The following MRTFB variants were observed in gnomAD, a reference collection of about 807,000 sequenced individuals.
MRTFB encodes myocardin related transcription factor B.
Under a neutral mutation model 104.2 loss-of-function variants are expected in MRTFB, and 29 were observed. The observed-to-expected ratio is 0.28, with a 90% CI of 0.21 to 0.38. MRTFB has a LOEUF of 0.38. Among genes scored for constraint, MRTFB ranks in the 10% least tolerant of loss-of-function variants. MRTFB has a pLI of 1.00. For synonymous variants in MRTFB, 535 were observed against 519.5 expected, an observed-to-expected ratio of 1.03 and a Z score of -0.41; for missense variants, 1,270 against 1,341.6, an observed-to-expected ratio of 0.95 and a Z score of 0.83.
chr16:14,058,850 C>G, the MRTFB span, among the ~76,000 whole-genome samples: 9 of 150,982 alleles, frequency 6.0e-5, no homozygotes, highest in Admixed American at 5.3e-4. Context: ...TCCCGAGTAG[C>G]TGGGATTATG....
intron 3 of MRTFB, chr16:14,186,853 G>C (rs890717232): frequency 2.5e-6 from 4 of 1,596,144 alleles, no homozygotes; most frequent in Admixed American, 3.3e-5. Context: ...ACCGCACTTC[G>C]CTCTTCTGCA....
chr16:14,036,294 ATT>A, the MRTFB span, among the ~76,000 whole-genome samples: 11 of 54,586 alleles, frequency 2.0e-4, no homozygotes, highest in East Asian at 7.7e-4. Context: ...TTTTATATAT[ATT>A]TATATATATA....
rs187698284 is a variant in MRTFB, at chr16:14,108,344, G to A, written c.-64+28990G>A. ...TATTTGAATAAGATGAACTTCTAGCGTTCAGGAAAGAACACTGTGAGGACA... is the reference window on the plus strand; with the variant it reads ...TATTTGAATAAGATGAACTTCTAGCATTCAGGAAAGAACACTGTGAGGACA... On this transcript the variant is annotated intron_variant, in intron 2 of 16. Transcript: ENST00000571589. Among the ~76,000 whole-genome samples the A allele has an allele frequency of 2.8e-4, 43 of 152,284 alleles. No homozygotes were observed. The East Asian group carries it at 7.7e-3, about 27-fold the overall frequency.
At chr16:14,050,384 T>C in the MRTFB span, among the ~76,000 whole-genome samples, 2 of 152,124 alleles carry the variant, frequency 1.3e-5, no homozygotes, top group Non-Finnish European at 2.9e-5. Context: ...TCTTTTTTGA[T>C]ACAAGGTCTC....
In MRTFB at chr16:14,246,555, C is replaced by T; in HGVS notation, c.1295C>T (p.Pro432Leu). ...CCGGACCTCATTGAGCGCCTAAAAC[C>T]CTACCAGGAAGTGAACAGCAGCGGC... ...TKPDLIERLKPYQEVNSSGLA... is the reference protein window; with the variant it reads ...TKPDLIERLKLYQEVNSSGLA... Residue 432 changes from proline to leucine, a missense_variant, in exon 12 of 17, where the codon CCC becomes CTC. By Grantham distance (98) the Pro-to-Leu change is moderately conservative. Around this residue, in one of 3 missense-constraint regions of MRTFB, gnomAD observed 1,144 missense variants for 1,131.5 expected, o/e 1.01. Transcript: ENST00000571589. 2.5e-6 allele frequency: 4 copies of T among 1,614,138 alleles called. No homozygotes were observed. The highest frequency in any genetic ancestry group is 3.4e-6 in the Non-Finnish European group (4 of 1,180,032).
chr16:14,196,209 CAG>C (rs2040423512), intron 3 of MRTFB, among the ~76,000 whole-genome samples: 1 of 152,192 alleles, frequency 6.6e-6, no homozygotes, highest in African/African-American at 2.4e-5. Context: ...AGCAGCCAGC[CAG>C]AGAGTTATCA....
chr16:14,233,838 G>A (rs2042379542), intron 8 of MRTFB, among the ~76,000 whole-genome samples: 1 of 145,292 alleles, frequency 6.9e-6, no homozygotes, highest in South Asian at 2.2e-4. Flanking sequence ...ATATATACAA[G>A]TGTCTTGGAC....
chr16:14,115,017 A>C (rs947249289), intron 2 of MRTFB, among the ~76,000 whole-genome samples: 1 of 152,194 alleles, frequency 6.6e-6, no homozygotes, highest in Admixed American at 6.5e-5. Flanking sequence ...CCTTGCCACC[A>C]CAGCCATGGC....
intron 9 of MRTFB, among the ~76,000 whole-genome samples, chr16:14,238,898 A>G (rs1203062862): frequency 6.6e-6 from 1 of 152,196 alleles, no homozygotes; most frequent in Admixed American, 6.5e-5. Context: ...GTCCAGTAGT[A>G]TGCCGGTAAA....
At chr16:14,182,740 A>C (rs1292095551) in intron 3 of MRTFB, among the ~76,000 whole-genome samples, 1 of 152,194 alleles carries the variant, frequency 6.6e-6, no homozygotes, top group Non-Finnish European at 1.5e-5. Flanking sequence ...GGGAAGTAAG[A>C]AGGTAATAAA....
At chr16:14,255,441 A>G (rs187483359) in intron 15 of MRTFB, among the ~76,000 whole-genome samples, 1 of 152,380 alleles carries the variant, frequency 6.6e-6, no homozygotes, top group Admixed American at 6.5e-5. Context: ...ATCAAAAACT[A>G]TGAAAACTGG....
chr16:14,086,806 G>A (rs1164501771), intron 2 of MRTFB, among the ~76,000 whole-genome samples: 7 of 152,084 alleles, frequency 4.6e-5, no homozygotes, highest in Admixed American at 1.3e-4. Flanking sequence ...TAAAATTAAG[G>A]CTTTATTATT....
chr16:14,247,660 A>T, intron 12 of MRTFB, 153 bp downstream of exon 12: 2 of 659,364 alleles, frequency 3.0e-6, no homozygotes, highest in Non-Finnish European at 5.1e-6. Context: ...TTATTCAGAA[A>T]TCTGAATATC....
At chr16:14,213,746 A>G (rs2041296485) in intron 6 of MRTFB, 126 bp downstream of exon 6, 2 of 670,948 alleles carry the variant, frequency 3.0e-6, no homozygotes, top group Non-Finnish European at 4.8e-6. Context: ...TCCAAACTGG[A>G]TAGCAACATG....
At chr16:14,026,230 G>T in the MRTFB span, among the ~76,000 whole-genome samples, 1 of 152,190 alleles carries the variant, frequency 6.6e-6, no homozygotes. Flanking sequence ...TTACTATATA[G>T]TTAAAATCAT....
At chr16:14,145,323 C>G (rs1270222345) in intron 3 of MRTFB, among the ~76,000 whole-genome samples, 1 of 151,834 alleles carries the variant, frequency 6.6e-6, no homozygotes, top group African/African-American at 2.4e-5. Flanking sequence ...ATTTGAATTT[C>G]ACTTATTAGA....
At chr16:14,045,854 GT>G in the MRTFB span, among the ~76,000 whole-genome samples, 7 of 152,106 alleles carry the variant, frequency 4.6e-5, no homozygotes, top group African/African-American at 7.2e-5. Flanking sequence ...TAAAAGTGAG[GT>G]TTTTTTTGTG....
intron 3 of MRTFB, among the ~76,000 whole-genome samples, chr16:14,181,953 C>A (rs2039784890): frequency 6.6e-6 from 1 of 152,168 alleles, no homozygotes; most frequent in Non-Finnish European, 1.5e-5. Flanking sequence ...TAAAAGAGCT[C>A]TTTTCAGTGT....
Position 14,252,417 on chromosome 16 carries a change from G to A in MRTFB, c.2618G>A (p.Gly873Glu), listed in dbSNP as rs376820859. The change falls in exon 15 of 17, where the codon GGG becomes GAG. Residue 873 changes from glycine to glutamate, a missense_variant. By Grantham distance (98) the Gly-to-Glu change is moderately conservative. Coordinates refer to ENST00000571589, the MANE Select transcript of MRTFB (RefSeq NM_001308142.2). ...QQFVVQHSLFGSPVAKTKDPP... is the reference protein window; with the variant it reads ...QQFVVQHSLFESPVAKTKDPP... Reference sequence around the variant, plus strand: ...TTTGTCGTCCAGCACTCTCTATTTGGGAGTCCAGTCGCCAAGACAAAAGAT... The same window carrying A: ...TTTGTCGTCCAGCACTCTCTATTTGAGAGTCCAGTCGCCAAGACAAAAGAT... The A allele has an allele frequency of 1.9e-6, 3 of 1,613,254 alleles. No homozygotes were observed. In the African/African-American group the frequency reaches 4.0e-5, roughly 22 times the overall value.
Sources: gnomAD v4.1 joint callset for allele counts (sites outside exome capture counted in the v4.1 genomes callset) on GRCh38, gnomAD v4.1.1 for gene constraint, gnomAD v4.1.1 regional missense constraint, MANE v1.5 for transcripts, NCBI Gene and HGNC (gene_info 2026-07-23, HGNC 2026-07-21) for gene names.